DPEP1: variants seen among roughly 807,000 people sequenced by gnomAD.
DPEP1 encodes dipeptidase 1.
In DPEP1, 50 loss-of-function variants were observed where a neutral mutation model predicts 42.3. The observed-to-expected ratio is 1.18, with a 90% CI of 0.94 to 1.50. DPEP1 has a LOEUF of 1.50. Ranked by LOEUF, DPEP1 falls within the 40% of genes most tolerant of loss-of-function variation. DPEP1 has a pLI of 0.00. For missense variants in DPEP1, 663 were observed against 553.0 expected, an observed-to-expected ratio of 1.20 and a Z score of -1.99; for synonymous variants, 297 against 234.0, an observed-to-expected ratio of 1.27 and a Z score of -2.46.
intron 2 of DPEP1, among the ~76,000 whole-genome samples, chr16:89,635,647 C>G (rs2059667418): frequency 6.6e-6 from 1 of 152,234 alleles, no homozygotes; most frequent in East Asian, 1.9e-4. Flanking sequence ...CAGAAAAAGG[C>G]CCTGGAAGGG....
At chr16:89,641,259 T>C (rs754883115), downstream of DPEP1, among the ~76,000 whole-genome samples, 14 of 151,646 alleles carry the variant, frequency 9.2e-5, no homozygotes, top group Admixed American at 2.6e-4. Context: ...CCACAAGAGA[T>C]GGTGGAGCAG....
At chr16:89,621,870 TG>T (rs1195828234) in intron 1 of DPEP1, among the ~76,000 whole-genome samples, 1 of 152,106 alleles carries the variant, frequency 6.6e-6, no homozygotes, top group Non-Finnish European at 1.5e-5. Context: ...GATCTGTGTG[TG>T]GGGGGCGTGG....
intron 1 of DPEP1, among the ~76,000 whole-genome samples, chr16:89,616,072 C>T (rs1310735765): frequency 7.1e-6 from 1 of 140,018 alleles, no homozygotes; most frequent in Non-Finnish European, 1.5e-5. Context: ...GACTTCATCT[C>T]AAAAAAAAAA....
chr16:89,638,444 C>T (rs932412542), downstream of DPEP1: 40 of 1,319,344 alleles, frequency 3.0e-5, no homozygotes, highest in African/African-American at 7.5e-5. Context: ...TCCTGGGGTA[C>T]GTGTCATCGG....
intron 9 of DPEP1, 39 bp downstream of exon 9, chr16:89,637,746 A>T: frequency 6.2e-7 from 1 of 1,612,680 alleles, no homozygotes; most frequent in South Asian, 1.1e-5. Flanking sequence ...ATGAGCCGGG[A>T]GGTTCATGGC....
chr16:89,636,379 A>G lies in DPEP1; in HGVS notation c.353A>G (p.Tyr118Cys), dbSNP rs1025544903. The G allele has an allele frequency of 5.0e-6, 8 of 1,612,116 alleles. No individual in the cohort carries two copies. Among genetic ancestry groups the G allele is most frequent in the Middle Eastern group, 1.6e-4 (1 of 6,082 alleles). The part of the protein sequence containing the change: ...MCRMYPETFL[Y>C]VTSSAGIRQA... ...CGGATGTACCCGGAGACCTTCCTGT[A>G]TGTCACCAGCAGTGCAGGTGGGGTC... The change falls in exon 4 of 11, where the codon TAT becomes TGT. Residue 118 changes from tyrosine to cysteine, a missense_variant. Coordinates refer to ENST00000690203, the MANE Select transcript of DPEP1 (RefSeq NM_001389466.1).
intron 1 of DPEP1, among the ~76,000 whole-genome samples, chr16:89,614,854 A>C (rs1367171216): frequency 6.6e-6 from 1 of 152,164 alleles, no homozygotes; most frequent in African/African-American, 2.4e-5. Flanking sequence ...CAGGGTTATC[A>C]CAGGACATGC....
chr16:89,628,556 C>T (rs2059546555), intron 1 of DPEP1, among the ~76,000 whole-genome samples: 1 of 152,000 alleles, frequency 6.6e-6, no homozygotes. Flanking sequence ...CCTTGCCCAG[C>T]CCCCAAAGGG....
At chr16:89,620,113 G>C (rs1471261491) in intron 1 of DPEP1, among the ~76,000 whole-genome samples, 4 of 151,730 alleles carry the variant, frequency 2.6e-5, no homozygotes, top group Admixed American at 6.6e-5. Flanking sequence ...GATTTCGAAA[G>C]CCCGTGTGGC....
intron 1 of DPEP1, among the ~76,000 whole-genome samples, chr16:89,614,220 C>T (rs1162045853): frequency 6.6e-6 from 1 of 152,128 alleles, no homozygotes; most frequent in South Asian, 2.1e-4. Flanking sequence ...GGTCTGGACC[C>T]GCCAGGCCCT....
intron 1 of DPEP1, among the ~76,000 whole-genome samples, chr16:89,626,085 C>T (rs865978182): frequency 1.3e-5 from 2 of 152,330 alleles, no homozygotes; most frequent in South Asian, 4.1e-4. Flanking sequence ...CGTCCTCCCG[C>T]CACTGTGAGG....
intron 2 of DPEP1, 47 bp from the exon 3 acceptor site, chr16:89,635,861 T>G (rs1350110424): frequency 2.6e-6 from 4 of 1,549,932 alleles, no homozygotes; most frequent in Admixed American, 1.9e-5. Flanking sequence ...AGCCCCCAGG[T>G]CCCAGTGGCC....
chr16:89,638,865 A>C (rs1597778950), downstream of DPEP1, among the ~76,000 whole-genome samples: 1 of 44,534 alleles, frequency 2.2e-5, no homozygotes, highest in Non-Finnish European at 4.0e-5. Flanking sequence ...ACACACACAC[A>C]CACCCCACCC....
intron 1 of DPEP1, among the ~76,000 whole-genome samples, chr16:89,629,995 C>T (rs992880813): frequency 6.6e-6 from 1 of 152,168 alleles, no homozygotes; most frequent in East Asian, 1.9e-4. Flanking sequence ...CCCCCGGGTC[C>T]TGAGGGAGGT....
chr16:89,618,829 C>T (rs1325571415), intron 1 of DPEP1, among the ~76,000 whole-genome samples: 2 of 152,122 alleles, frequency 1.3e-5, no homozygotes, highest in Admixed American at 1.3e-4. Flanking sequence ...ACGGTAGGAA[C>T]CCTGCACAAA....
Position 89,630,376 on chromosome 16 carries a change from G to A in DPEP1, c.-35G>A. 1 of 1,564,372 alleles carries A rather than the reference G, an allele frequency of 6.4e-7. No individual in the cohort carries two copies. The highest frequency in any genetic ancestry group is 8.8e-7 in the Non-Finnish European group (1 of 1,140,002). On this transcript the variant is annotated 5_prime_UTR_variant, in exon 2 of 11. Transcript: ENST00000690203. ...AGCCAGGCCAGCACAGAGGCACCAG[G>A]GCAGCAGTGCACACAGGTCCCCGGG...
chr16:89,640,388 G>A (rs1336048784), downstream of DPEP1, among the ~76,000 whole-genome samples: 2 of 152,200 alleles, frequency 1.3e-5, no homozygotes, highest in Non-Finnish European at 2.9e-5. Context: ...GGTGCAGGCA[G>A]GGTCCCTGGG....
chr16:89,614,712 G>T lies in DPEP1; in HGVS notation c.-107+993G>T, dbSNP rs749326288. Among the ~76,000 whole-genome samples the T allele has an allele frequency of 4.2e-3, 647 of 152,292 alleles. 4 individuals are homozygous for T. Among genetic ancestry groups the T allele is most frequent in the Non-Finnish European group, 6.5e-3 (441 of 68,012 alleles). On this transcript the variant is annotated intron_variant, in intron 1 of 10. Transcript: ENST00000690203. ...CGGGAGGCTGAAGCAGGAGAATGGC[G>T]TGAACCCGGGAGGCGGAGGTTGCGG...
chr16:89,635,671 CTCCCTGAGCTCCTGGCTCGGGGT>C (rs1567991002), intron 2 of DPEP1, among the ~76,000 whole-genome samples: 1 of 152,232 alleles, frequency 6.6e-6, no homozygotes, highest in Non-Finnish European at 1.5e-5. Flanking sequence ...GGCTACCCAG[CTCCCTGAGCTCCTGGCTCGGGGT>C]TCCCTGCCCT....
Sources: gnomAD v4.1 joint callset for allele counts (sites outside exome capture counted in the v4.1 genomes callset) on GRCh38, gnomAD v4.1.1 for gene constraint, MANE v1.5 for transcripts, NCBI Gene and HGNC (gene_info 2026-07-23, HGNC 2026-07-21) for gene names.